Variants in TUNAR observed in about 807,000 individuals in gnomAD.
TUNAR encodes protein TUNAR.
At chr14:95,906,233 GCTTTTAGGC>G (rs1384458118) in intron 2 of TUNAR, among the ~76,000 whole-genome samples, 1 of 151,686 alleles carries the variant, frequency 6.6e-6, no homozygotes, top group Non-Finnish European at 1.5e-5. Context: ...AGCTGTCATT[GCTTTTAGGC>G]CTTTTAGGGG....
At chr14:95,910,117 A>G (rs117965053) in intron 2 of TUNAR, among the ~76,000 whole-genome samples, 5 of 152,310 alleles carry the variant, frequency 3.3e-5, no homozygotes, top group East Asian at 3.9e-4. Flanking sequence ...AGTACCTACA[A>G]ACTTCCTGGA....
chr14:95,898,253 C>A (rs1889294936), intron 2 of TUNAR, among the ~76,000 whole-genome samples: 1 of 152,162 alleles, frequency 6.6e-6, no homozygotes, highest in Admixed American at 6.5e-5. Context: ...AGTCCGATGC[C>A]TGGTTCTTTG....
At chr14:95,910,404 G>A (rs56171423) in intron 2 of TUNAR, among the ~76,000 whole-genome samples, 5,023 of 152,286 alleles carry the variant, frequency 0.033, 265 homozygotes, top group African/African-American at 0.11. Flanking sequence ...TATTTGTTGA[G>A]TGGGTGAATG....
chr14:95,902,485 G>A (rs748857656), intron 2 of TUNAR, among the ~76,000 whole-genome samples: 8 of 152,186 alleles, frequency 5.3e-5, no homozygotes, highest in African/African-American at 1.7e-4. Context: ...GGTGCAGCCC[G>A]CCAAAGAAAA....
intron 2 of TUNAR, 44 bp from the exon 2 acceptor site, chr14:95,922,737 G>T (rs1889717426): frequency 2.5e-6 from 1 of 398,346 alleles, no homozygotes; most frequent in Non-Finnish European, 4.4e-6. Context: ...TGGAGGGCAT[G>T]CTTATAAATG....
intron 2 of TUNAR, among the ~76,000 whole-genome samples, chr14:95,907,896 T>C (rs1889450568): frequency 6.6e-6 from 1 of 152,164 alleles, no homozygotes; most frequent in African/African-American, 2.4e-5. Flanking sequence ...CTGTGGTCTC[T>C]CTGTCCTCTC....
At chr14:95,905,868 C>T (rs561017009) in intron 2 of TUNAR, among the ~76,000 whole-genome samples, 1 of 152,182 alleles carries the variant, frequency 6.6e-6, no homozygotes, top group Non-Finnish European at 1.5e-5. Flanking sequence ...CTTTCTCCCC[C>T]ATTTATGTAT....
At chr14:95,901,345 A>G (rs767747283) in intron 2 of TUNAR, among the ~76,000 whole-genome samples, 1 of 152,218 alleles carries the variant, frequency 6.6e-6, no homozygotes, top group South Asian at 2.1e-4. Flanking sequence ...AAGCCCGAAC[A>G]TTCTCTTCCT....
At chr14:95,887,786 C>T (rs1339408560) in intron 2 of TUNAR, among the ~76,000 whole-genome samples, 1 of 152,140 alleles carries the variant, frequency 6.6e-6, no homozygotes, top group African/African-American at 2.4e-5. Flanking sequence ...GTTGGGGACC[C>T]GACCAGATGA....
intron 2 of TUNAR, among the ~76,000 whole-genome samples, chr14:95,881,655 G>A (rs746640421): frequency 5.9e-5 from 9 of 152,138 alleles, no homozygotes; most frequent in Admixed American, 2.0e-4. Context: ...TCACGTTATC[G>A]AGTAGAGATG....
chr14:95,878,558 T>A (rs1354532028), intron 2 of TUNAR, among the ~76,000 whole-genome samples: 1 of 151,644 alleles, frequency 6.6e-6, no homozygotes, highest in Non-Finnish European at 1.5e-5. Context: ...TGATTCTGAG[T>A]GACAAAACTA....
At chr14:95,888,930 G>A (rs910315076) in intron 2 of TUNAR, among the ~76,000 whole-genome samples, 18 of 152,288 alleles carry the variant, frequency 1.2e-4, no homozygotes, top group African/African-American at 4.1e-4. Flanking sequence ...GCAGCAGAGT[G>A]GGGTGTCGGA....
chr14:95,907,489 T>C (rs1398504620), intron 2 of TUNAR, among the ~76,000 whole-genome samples: 2 of 152,200 alleles, frequency 1.3e-5, no homozygotes, highest in Non-Finnish European at 2.9e-5. Flanking sequence ...ATGGGATCTT[T>C]AGAATGTTGC....
chr14:95,903,404 C>T (rs980228818), intron 2 of TUNAR, among the ~76,000 whole-genome samples: 3 of 152,200 alleles, frequency 2.0e-5, no homozygotes, highest in Non-Finnish European at 2.9e-5. Flanking sequence ...GACATCAGCA[C>T]GATTGTCCCT....
chr14:95,878,841 T>TG (rs1888930919), intron 2 of TUNAR, among the ~76,000 whole-genome samples: 1 of 152,224 alleles, frequency 6.6e-6, no homozygotes, highest in Admixed American at 6.5e-5. Flanking sequence ...TCCTAAGAAC[T>TG]GATGACATAC....
At chr14:95,910,933 G>A (rs1194376148) in intron 2 of TUNAR, among the ~76,000 whole-genome samples, 2 of 152,200 alleles carry the variant, frequency 1.3e-5, no homozygotes, top group African/African-American at 2.4e-5. Context: ...CTGGAGAGCC[G>A]GTTACCCATT....
chr14:95,920,566 T>G (rs898753876), intron 2 of TUNAR, among the ~76,000 whole-genome samples: 1 of 152,214 alleles, frequency 6.6e-6, no homozygotes, highest in Non-Finnish European at 1.5e-5. Flanking sequence ...TGTTCACTTA[T>G]GCACAGTTTC....
intron 2 of TUNAR, among the ~76,000 whole-genome samples, chr14:95,900,806 G>A (rs1889341070): frequency 6.6e-6 from 1 of 152,212 alleles, no homozygotes; most frequent in Non-Finnish European, 1.5e-5. Context: ...CATGACAAAA[G>A]GGGAGAAGCA....
intron 2 of TUNAR, among the ~76,000 whole-genome samples, chr14:95,882,322 G>C (rs1888992933): frequency 6.6e-6 from 1 of 152,204 alleles, no homozygotes; most frequent in Non-Finnish European, 1.5e-5. Flanking sequence ...AGTCACCAGA[G>C]AGGATAAGAT....
Sources: gnomAD v4.1 joint callset for allele counts (sites outside exome capture counted in the v4.1 genomes callset) on GRCh38, gnomAD v4.1.1 for gene constraint, MANE v1.5 for transcripts, NCBI Gene and HGNC (gene_info 2026-07-23, HGNC 2026-07-21) for gene names.